Variants in FTCDNL1 observed in about 807,000 individuals in gnomAD.
The protein encoded by FTCDNL1 is formiminotransferase cyclodeaminase N-terminal like, also known as formiminotransferase N-terminal subdomain-containing protein.
Under a neutral mutation model 5.9 loss-of-function variants are expected in FTCDNL1, and 11 were observed. The ratio of observed to expected loss-of-function variants is 1.87; its 90% CI spans 1.18 to 3.10. The LOEUF (loss-of-function observed/expected upper bound fraction) is 3.10, where lower values mean the gene tolerates loss of function less well. FTCDNL1 is among the 30% of genes most tolerant of loss of function. FTCDNL1 has a pLI of 0.00. For missense variants in FTCDNL1, 115 were observed against 65.5 expected (o/e 1.76, Z -2.61); for synonymous variants, 58 against 24.8 (o/e 2.34, Z -3.99).
chr2:199,741,363 G>T, the FTCDNL1 span, among the ~76,000 whole-genome samples: 8 of 152,156 alleles, frequency 5.3e-5, no homozygotes, highest in Non-Finnish European at 8.8e-5. Context: ...GGTAACCAAA[G>T]AAGTCTATTA....
At chr2:199,673,954 C>A in the FTCDNL1 span, among the ~76,000 whole-genome samples, 1 of 152,176 alleles carries the variant, frequency 6.6e-6, no homozygotes, top group African/African-American at 2.4e-5. Context: ...CACCCCCATG[C>A]ATCCAGGTAG....
rs1387526651 is a variant in FTCDNL1, at chr2:199,848,926, A to T, written c.37T>A (p.Cys13Ser). ...SSRVGLRLAA[C>S]LLNVSEAGRK... The stretch of plus-strand genomic sequence containing the variant: ...CCGGCTTCTGAAACGTTTAGTAAAC[A>T]GGCAGCCAAACGGAGCCCCACTCTG... The change falls in exon 2 of 5, where the codon TGT (cysteine) becomes AGT (serine). Residue 13 changes from cysteine (C) to serine (S), a missense_variant. Coordinates refer to ENST00000420128, the MANE Select transcript of FTCDNL1 (RefSeq NM_001363886.2). 1 of 702,218 alleles carries T rather than the reference A, an allele frequency of 1.4e-6. No individual in the cohort carries two copies. The highest frequency in any genetic ancestry group is 2.6e-6 in the Non-Finnish European group (1 of 384,784). 43.5% of individuals were successfully genotyped at this position (702,218 alleles called of 1,614,324 possible).
chr2:199,686,347 T>C, the FTCDNL1 span, among the ~76,000 whole-genome samples: 6 of 152,214 alleles, frequency 3.9e-5, no homozygotes, highest in African/African-American at 1.4e-4. Context: ...TGGGAAGGAA[T>C]TGGCACTTCA....
chr2:199,849,504 A>C lies in FTCDNL1; in HGVS notation c.-7-535T>G, dbSNP rs942954359. On this transcript the variant is annotated intron_variant, in intron 1 of 4. Transcript: ENST00000420128. The stretch of plus-strand genomic sequence containing the variant: ...AATAAGGAAGCCATTTGGATGGTTT[A>C]CATGACAATTGTCTAAGTTCCTCCT... Among the ~76,000 whole-genome samples, 5 of 152,244 alleles carry C rather than the reference A, an allele frequency of 3.3e-5. No individual in the cohort carries two copies. The South Asian group carries it at 1.0e-3, about 32-fold the overall frequency.
the FTCDNL1 span, among the ~76,000 whole-genome samples, chr2:199,711,585 T>G: frequency 1.3e-5 from 2 of 152,200 alleles, no homozygotes; most frequent in African/African-American, 2.4e-5. Flanking sequence ...TATACCATTT[T>G]GCAACACTGA....
chr2:199,761,225 T>C (rs1412335521), intron 3 of FTCDNL1, among the ~76,000 whole-genome samples: 1 of 152,170 alleles, frequency 6.6e-6, no homozygotes, highest in African/African-American at 2.4e-5. Context: ...CACTCCTGAA[T>C]AAATCCCAGC....
the FTCDNL1 span, among the ~76,000 whole-genome samples, chr2:199,672,024 G>A: frequency 1.0e-3 from 157 of 152,178 alleles, no homozygotes; most frequent in Middle Eastern, 0.014. Flanking sequence ...CCACGTTCTC[G>A]GTCACAGAAA....
the FTCDNL1 span, among the ~76,000 whole-genome samples, chr2:199,701,774 C>A: frequency 6.6e-6 from 1 of 152,178 alleles, no homozygotes; most frequent in Non-Finnish European, 1.5e-5. Flanking sequence ...TGAGCTCATG[C>A]CTGTAATCCC....
intron 3 of FTCDNL1, among the ~76,000 whole-genome samples, chr2:199,836,155 T>A (rs1205334127): frequency 1.3e-5 from 2 of 152,168 alleles, no homozygotes; most frequent in African/African-American, 4.8e-5. Flanking sequence ...TGTTGATATT[T>A]CTTTTTCTGT....
At chr2:199,801,846 G>A (rs1205845365) in intron 3 of FTCDNL1, among the ~76,000 whole-genome samples, 1 of 151,176 alleles carries the variant, frequency 6.6e-6, no homozygotes, top group Non-Finnish European at 1.5e-5. Flanking sequence ...GCTGAGGCAG[G>A]AGAATGGCAT....
At chr2:199,752,091 C>T in the FTCDNL1 span, among the ~76,000 whole-genome samples, 6 of 151,914 alleles carry the variant, frequency 3.9e-5, no homozygotes, top group African/African-American at 9.7e-5. Context: ...ACCCAGAGAG[C>T]TTCTCTCTCT....
chr2:199,760,723 T>C (rs1253417594), exon 4 of FTCDNL1: 1 of 695,606 alleles, frequency 1.4e-6, no homozygotes, highest in Non-Finnish European at 2.6e-6. Flanking sequence ...TGTGTGTTGG[T>C]TTTCCTCCAT....
Position 199,797,115 on chromosome 2 carries a change from G to A in FTCDNL1, c.212-36280C>T, listed in dbSNP as rs116532036. On this transcript the variant is annotated intron_variant, in intron 3 of 3. Coordinates refer to the FTCDNL1 transcript ENST00000416668. ...ACATGTAGTATGGATGCTTATAAGC[G>A]ATAGCAATCATTTCTAATGAGAAAT... 3.9e-3 allele frequency among the ~76,000 whole-genome samples: 600 copies of A among 152,254 alleles called. 3 individuals carry two copies. The highest frequency in any genetic ancestry group is 0.014 in the African/African-American group (573 of 41,550).
rs181092938 is a variant in FTCDNL1, at chr2:199,786,742, A to G, written c.212-25907T>C. Reference sequence around the variant, plus strand: ...GTTAGCCGGCGATCAGTGTTGAAACACTAGCACTGCCTGCACATTGTATTA... The same window carrying G: ...GTTAGCCGGCGATCAGTGTTGAAACGCTAGCACTGCCTGCACATTGTATTA... On this transcript the variant is annotated intron_variant, in intron 3 of 3. Coordinates refer to the FTCDNL1 transcript ENST00000416668. 1.8e-4 allele frequency among the ~76,000 whole-genome samples: 27 copies of G among 152,340 alleles called. No individual in the cohort carries two copies. The East Asian group carries it at 4.8e-3, about 27-fold the overall frequency.
the FTCDNL1 span, among the ~76,000 whole-genome samples, chr2:199,726,520 T>C: frequency 2.6e-5 from 4 of 152,350 alleles, no homozygotes; most frequent in South Asian, 2.1e-4. Context: ...CTCATCTTCA[T>C]AGGTTTATCT....
chr2:199,694,796 T>A, the FTCDNL1 span, among the ~76,000 whole-genome samples: 7 of 152,156 alleles, frequency 4.6e-5, no homozygotes, highest in South Asian at 4.1e-4. Context: ...ATTGCACCAC[T>A]ACACTCCAGC....
the FTCDNL1 span, among the ~76,000 whole-genome samples, chr2:199,698,825 G>A: frequency 2.0e-5 from 3 of 151,944 alleles, no homozygotes; most frequent in African/African-American, 7.3e-5. Flanking sequence ...AGAGAGCAAA[G>A]GCAAAAATTG....
Position 199,846,154 on chromosome 2 carries a change from T to C in FTCDNL1, c.132A>G (p.Gln44=). Residue 44 remains glutamine (Q), a synonymous_variant, in exon 3 of 5, where the codon CAA becomes CAG. Coordinates refer to ENST00000420128, the MANE Select transcript of FTCDNL1 (RefSeq NM_001363886.2). The part of the protein sequence containing the change: ...LLDKNGKKHP[Q]VSVLNIFSDQ... The stretch of plus-strand genomic sequence containing the variant: ...CGGAAAATATATTGAGCACTGAAAC[T>C]TGAGGATGTTTCTTTCCTGTAAAAA... 1 of 698,204 alleles carries C rather than the reference T, an allele frequency of 1.4e-6. No individual in the cohort carries two copies. The highest frequency in any genetic ancestry group is 1.5e-5 in the South Asian group (1 of 66,634). 43.3% of individuals were successfully genotyped at this position (698,204 alleles called of 1,614,324 possible). A position where few individuals can be genotyped will look rare whatever the true frequency, so the allele number is the denominator to read the frequency against.
At chr2:199,835,263 T>C (rs909010067) in intron 3 of FTCDNL1, among the ~76,000 whole-genome samples, 14 of 152,154 alleles carry the variant, frequency 9.2e-5, no homozygotes, top group African/African-American at 3.4e-4. Context: ...GGTAGGTAAC[T>C]CAGACAGTCC....
Sources: gnomAD v4.1 joint callset for allele counts (sites outside exome capture counted in the v4.1 genomes callset) on GRCh38, gnomAD v4.1.1 for gene constraint, MANE v1.5 for transcripts, NCBI Gene and HGNC (gene_info 2026-07-23, HGNC 2026-07-21) for gene names.